The following EYS variants were observed in gnomAD, a reference collection of about 807,000 sequenced individuals.
EYS encodes the protein EGF-like photoreceptor maintenance factor, also known as protein eyes shut homolog.
In EYS, 250 loss-of-function variants were observed where a neutral mutation model predicts 282.1. That is an observed-to-expected ratio of 0.89 (90% CI 0.80 to 0.98). EYS has a LOEUF of 0.98. EYS is among the 50% of genes least tolerant of loss of function. EYS has a pLI of 0.00. For missense variants in EYS, 4,016 were observed against 3,709.0 expected, an observed-to-expected ratio of 1.08 and a Z score of -2.15; for synonymous variants, 1,355 against 1,282.9, an observed-to-expected ratio of 1.06 and a Z score of -1.20.
chr6:63,804,839 C>T lies in EYS; in HGVS notation c.7411+1351G>A, dbSNP rs533750837. 2.0e-5 allele frequency among the ~76,000 whole-genome samples: 3 copies of T among 152,216 alleles called. No homozygotes were observed. In the South Asian group the frequency reaches 6.2e-4, roughly 32 times the overall value. On this transcript the variant is annotated intron_variant, in intron 37 of 42. Coordinates refer to ENST00000503581, the MANE Select transcript of EYS (RefSeq NM_001142800.2). ...TACAATGTGGATAATTAATTGCAGG[C>T]AGGAAATCAGTAGGGAGACCAGTCA...
At chr6:65,339,529 A>T (rs1770118858) in intron 10 of EYS, among the ~76,000 whole-genome samples, 1 of 150,714 alleles carries the variant, frequency 6.6e-6, no homozygotes, top group South Asian at 2.1e-4. Context: ...TATAAATTAA[A>T]CTTCATCATA....
At chr6:64,295,327 G>GAAGGAAGA (rs201420567) in intron 30 of EYS, among the ~76,000 whole-genome samples, 2 of 52,354 alleles carry the variant, frequency 3.8e-5, no homozygotes, top group Non-Finnish European at 3.3e-5. Context: ...AAACGAAGAA[G>GAAGGAAGA]AAGGAAGAAA....
intron 5 of EYS, among the ~76,000 whole-genome samples, chr6:65,422,858 G>A (rs73445175): frequency 6.6e-6 from 1 of 151,668 alleles, no homozygotes; most frequent in African/African-American, 2.4e-5. Flanking sequence ...GTATGTTTAT[G>A]TGTACATCCT....
intron 36 of EYS, among the ~76,000 whole-genome samples, chr6:63,842,177 A>G (rs1179093633): frequency 1.3e-5 from 2 of 152,188 alleles, no homozygotes; most frequent in Non-Finnish European, 2.9e-5. Flanking sequence ...TCCTTGAGGA[A>G]TCCCCACACT....
chr6:63,851,856 C>T (rs1772259784), intron 36 of EYS, among the ~76,000 whole-genome samples: 1 of 151,818 alleles, frequency 6.6e-6, no homozygotes, highest in African/African-American at 2.4e-5. Context: ...CACAAAAAAC[C>T]CTTAAAAAAT....
At chr6:64,181,800 A>G (rs1764794891) in intron 31 of EYS, among the ~76,000 whole-genome samples, 1 of 152,152 alleles carries the variant, frequency 6.6e-6, no homozygotes, top group Non-Finnish European at 1.5e-5. Context: ...TAAATGGAAG[A>G]TTTTTCTAAG....
intron 2 of EYS, among the ~76,000 whole-genome samples, chr6:65,611,599 A>G (rs35282709): frequency 7.2e-5 from 11 of 152,110 alleles, no homozygotes; most frequent in Non-Finnish European, 1.5e-4. Flanking sequence ...AGAGACAGTT[A>G]AATATTATAT....
chr6:65,706,793 G>T (rs1264636363), intron 1 of EYS, among the ~76,000 whole-genome samples: 2 of 152,006 alleles, frequency 1.3e-5, no homozygotes, highest in Non-Finnish European at 2.9e-5. Flanking sequence ...AGACAATGGG[G>T]GAAAACCTCA....
intron 31 of EYS, among the ~76,000 whole-genome samples, chr6:64,117,127 A>G (rs1445574139): frequency 6.6e-6 from 1 of 152,078 alleles, no homozygotes; most frequent in African/African-American, 2.4e-5. Flanking sequence ...ACCTTCCTCA[A>G]GCACATGCAG....
intron 33 of EYS, among the ~76,000 whole-genome samples, chr6:64,057,861 TCA>T (rs1771037767): frequency 6.6e-6 from 1 of 152,158 alleles, no homozygotes; most frequent in African/African-American, 2.4e-5. Flanking sequence ...AGACAGAGTC[TCA>T]CTCTGTCACC....
At chr6:64,258,419 A>G (rs1172977969) in intron 30 of EYS, among the ~76,000 whole-genome samples, 1 of 152,050 alleles carries the variant, frequency 6.6e-6, no homozygotes, top group Non-Finnish European at 1.5e-5. Flanking sequence ...ATAACTTTCC[A>G]TACTGTTTAA....
chr6:65,523,841 A>T (rs939289086), intron 2 of EYS, among the ~76,000 whole-genome samples: 5 of 152,196 alleles, frequency 3.3e-5, no homozygotes, highest in Non-Finnish European at 7.3e-5. Flanking sequence ...TATTCCAGAC[A>T]TACTTTTCCT....
At chr6:64,404,380 A>AGT (rs59373630) in intron 28 of EYS, among the ~76,000 whole-genome samples, 7,104 of 93,714 alleles carry the variant, frequency 0.076, 197 homozygotes, top group African/African-American at 0.11. Context: ...AGAGTGTGAG[A>AGT]GTGTGTGTGT....
chr6:64,282,481 A>C (rs1282950863), intron 30 of EYS, among the ~76,000 whole-genome samples: 1 of 152,180 alleles, frequency 6.6e-6, no homozygotes, highest in Non-Finnish European at 1.5e-5. Flanking sequence ...AAAGCAACTT[A>C]GAATCAACTT....
Position 64,553,553 on chromosome 6 carries a change from C to CCG in EYS, c.5644+36669_5644+36670insCG, listed in dbSNP as rs1554177839. On this transcript the variant is annotated intron_variant, in intron 26 of 42. Coordinates refer to ENST00000503581, the MANE Select transcript of EYS (RefSeq NM_001142800.2). ...TCTGTGACTTTTGTTTGACCCCCCC[C>CCG]CCCCCATAGGCAGTTACAAGGCAAA... Among the ~76,000 whole-genome samples, 7 of 134,198 alleles carry CCG rather than the reference C, an allele frequency of 5.2e-5. 1 individual carries two copies. Among genetic ancestry groups the CCG allele is most frequent in the South Asian group, 3.0e-4 (1 of 3,302 alleles). The allele number at this position is 134,198 out of a possible 152,430, so 88.0% of individuals were successfully genotyped here. A position where few individuals can be genotyped will look rare whatever the true frequency, so the allele number is the denominator to read the frequency against.
intron 30 of EYS, among the ~76,000 whole-genome samples, chr6:64,270,330 T>C (rs1176655700): frequency 6.6e-6 from 1 of 151,704 alleles, no homozygotes; most frequent in Non-Finnish European, 1.5e-5. Flanking sequence ...TTTTCTGAAA[T>C]ACAGTACCAA....
chr6:63,794,235 C>A (rs758692278), intron 37 of EYS, among the ~76,000 whole-genome samples: 3 of 152,230 alleles, frequency 2.0e-5, no homozygotes, highest in Non-Finnish European at 4.4e-5. Context: ...ATGCATATTT[C>A]TTTCCTCTTC....
At chr6:64,056,785 C>A (rs555215933) in intron 33 of EYS, among the ~76,000 whole-genome samples, 39 of 152,286 alleles carry the variant, frequency 2.6e-4, no homozygotes, top group African/African-American at 8.9e-4. Flanking sequence ...AGGTGTCTAA[C>A]CAGCCCCTAT....
intron 30 of EYS, among the ~76,000 whole-genome samples, chr6:64,300,471 A>G (rs1769195143): frequency 6.6e-6 from 1 of 151,932 alleles, no homozygotes; most frequent in Admixed American, 6.6e-5. Flanking sequence ...GATAATGGCC[A>G]CTGTTGTTAT....
Sources: gnomAD v4.1 joint callset for allele counts (sites outside exome capture counted in the v4.1 genomes callset) on GRCh38, gnomAD v4.1.1 for gene constraint, MANE v1.5 for transcripts, NCBI Gene and HGNC (gene_info 2026-07-23, HGNC 2026-07-21) for gene names.